CLTC: variants seen among roughly 807,000 people sequenced by gnomAD.
CLTC encodes clathrin heavy chain 1.
CLTC carries 16 observed loss-of-function variants against 195.8 expected under a neutral mutation model. That is an observed-to-expected ratio of 0.08 (90% CI 0.06 to 0.12). The LOEUF (loss-of-function observed/expected upper bound fraction) is 0.12. Among genes scored for constraint, CLTC ranks in the 10% least tolerant of loss-of-function variants. The pLI, the probability that CLTC is intolerant of heterozygous loss-of-function variation, is 1.00. For synonymous variants in CLTC, 667 were observed against 689.4 expected, an observed-to-expected ratio of 0.97 and a Z score of 0.51; for missense variants, 796 against 2,027.0, an observed-to-expected ratio of 0.39 and a Z score of 11.66.
intron 1 of CLTC, among the ~76,000 whole-genome samples, chr17:59,638,335 CTT>C (rs1460713331): frequency 6.6e-6 from 1 of 151,660 alleles, no homozygotes; most frequent in African/African-American, 2.4e-5. Context: ...GACCCTGTCT[CTT>C]AAAAAAAAAC....
rs757885268 is a variant in CLTC at position 59,666,233 on chromosome 17, C to T, written c.1775C>T (p.Ala592Val). The part of the protein sequence containing the change: ...TRLLEMNLMH[A>V]PQVADAILGN... ...TTACTTGAGATGAACCTTATGCATG[C>T]GCCTCAAGTATGTGTTTTAATGCTT... Residue 592 changes from alanine to valine, a missense_variant, in exon 11 of 32, where the codon GCG (alanine) becomes GTG (valine). Ala to Val is a moderately conservative substitution (Grantham distance 64, BLOSUM62 0). Coordinates refer to ENST00000269122, the MANE Select transcript of CLTC (RefSeq NM_004859.4). This position sits in a 1 kb window ranked among gnomAD's most constrained non-coding sequence, Gnocchi z 4.9. 1 of 1,613,664 alleles carries T rather than the reference C, an allele frequency of 6.2e-7. No homozygotes were observed. Among genetic ancestry groups the T allele is most frequent in the Non-Finnish European group, 8.5e-7 (1 of 1,179,710 alleles).
At chr17:59,675,893 T>C in intron 16 of CLTC, among the ~76,000 whole-genome samples, 1 of 152,252 alleles carries the variant, frequency 6.6e-6, no homozygotes. Flanking sequence ...GTATCTTGGA[T>C]TGCACATGTT....
At chr17:59,652,659 G>T (rs1027875926) in intron 5 of CLTC, among the ~76,000 whole-genome samples, 1 of 152,126 alleles carries the variant, frequency 6.6e-6, no homozygotes, top group Non-Finnish European at 1.5e-5. Context: ...GGCATAAAAA[G>T]ATTTAGTAAA....
chr17:59,686,799 A>G (rs1273658616), intron 30 of CLTC, among the ~76,000 whole-genome samples: 2 of 152,198 alleles, frequency 1.3e-5, no homozygotes, highest in African/African-American at 4.8e-5. Context: ...TTCATACTGT[A>G]GCATAAATTC....
chr17:59,679,244 A>G, intron 17 of CLTC, 153 bp from the exon 18 acceptor site: 1 of 543,476 alleles, frequency 1.8e-6, no homozygotes, highest in Non-Finnish European at 3.2e-6. Context: ...TTAAAACAGT[A>G]TATTACTGGT....
Position 59,620,837 on chromosome 17 carries a change from AGAGTGTGTGCGGT to A in CLTC, c.42+665_42+677del, listed in dbSNP as rs753172416. 1.9e-3 allele frequency among the ~76,000 whole-genome samples: 283 copies of A among 152,076 alleles called. 3 individuals carry two copies. The highest frequency in any genetic ancestry group is 4.1e-4 in the Non-Finnish European group (28 of 67,996). ...CATTTCTTAGAGCTATGTCAATCTC[AGAGTGTGTGCGGT>A]CAAACTCCCTAAGGAAACTCGCCTC... On this transcript the variant is annotated intron_variant, in intron 1 of 31. Coordinates refer to ENST00000269122, the MANE Select transcript of CLTC (RefSeq NM_004859.4).
At chr17:59,625,417 G>A (rs374901985) in intron 1 of CLTC, among the ~76,000 whole-genome samples, 4 of 152,238 alleles carry the variant, frequency 2.6e-5, no homozygotes, top group African/African-American at 9.6e-5. Context: ...GAGCCACCGT[G>A]CCCGGCTATG....
chr17:59,676,745 C>T (rs1162874184), intron 16 of CLTC, among the ~76,000 whole-genome samples: 1 of 152,118 alleles, frequency 6.6e-6, no homozygotes, highest in Non-Finnish European at 1.5e-5. Flanking sequence ...GTACTAGGAT[C>T]ACTTGAGCCC....
intron 31 of CLTC, 34 bp downstream of exon 31, chr17:59,690,745 A>G: frequency 6.7e-7 from 1 of 1,489,486 alleles, no homozygotes; most frequent in African/African-American, 1.4e-5. Context: ...AAAATTCATT[A>G]GACAAATATT....
Position 59,682,643 on chromosome 17 carries a change from T to C in CLTC, c.3615T>C (p.Cys1205=), listed in dbSNP as rs764946570. The C allele has an allele frequency of 6.2e-7, 1 of 1,614,030 alleles. No individual in the cohort carries two copies. The highest frequency in any genetic ancestry group is 8.5e-7 in the Non-Finnish European group (1 of 1,179,922). ...TTTTTTTCCAGGTTGGTGACCGTTG[T>C]TATGATGAAAAAATGTATGATGCTG... The part of the protein sequence containing the change: ...NAHIQQVGDR[C]YDEKMYDAAK... The change falls in exon 23 of 32, where the codon TGT becomes TGC. Residue 1205 remains cysteine, a synonymous_variant. Transcript: ENST00000269122. The surrounding 1 kb of genome is among the most constrained non-coding windows in gnomAD (Gnocchi z 6.8).
At chr17:59,633,033 A>G (rs570803548) in intron 1 of CLTC, among the ~76,000 whole-genome samples, 1 of 30,968 alleles carries the variant, frequency 3.2e-5, no homozygotes, top group African/African-American at 5.0e-5. Flanking sequence ...GGTGGTTGTC[A>G]TTTTAATCAT....
chr17:59,648,580 G>A lies in CLTC; in HGVS notation c.681+179G>A. The A allele has an allele frequency of 1.7e-6, 1 of 575,692 alleles. No individual in the cohort carries two copies. Among genetic ancestry groups the A allele is most frequent in the Non-Finnish European group, 3.0e-6 (1 of 328,396 alleles). The allele number at this position is 575,692 out of a possible 1,614,324, so 35.7% of individuals were successfully genotyped here. A position where few individuals can be genotyped will look rare whatever the true frequency, so the allele number is the denominator to read the frequency against. ...GTGATACTTGTCTAAAATGAATAAT[G>A]TTCTTTCACAACTCGTTCTGTTGGC... On this transcript the variant is annotated intron_variant, in intron 4 of 31. Transcript: ENST00000269122. This position sits in a 1 kb window ranked among gnomAD's most constrained non-coding sequence, Gnocchi z 4.5.
At chr17:59,657,904 A>T (rs1205215043) in intron 6 of CLTC, among the ~76,000 whole-genome samples, 4 of 151,738 alleles carry the variant, frequency 2.6e-5, no homozygotes. Context: ...AAAAAAATAA[A>T]AAAAAAGACA....
At chr17:59,676,570 G>A (rs1266804946) in intron 16 of CLTC, among the ~76,000 whole-genome samples, 1 of 152,196 alleles carries the variant, frequency 6.6e-6, no homozygotes, top group East Asian at 1.9e-4. Flanking sequence ...ATAAACCTGG[G>A]AGAGTGAAAA....
At chr17:59,688,054 T>A (rs1195300740) in intron 30 of CLTC, among the ~76,000 whole-genome samples, 1 of 152,186 alleles carries the variant, frequency 6.6e-6, no homozygotes, top group Non-Finnish European at 1.5e-5. Flanking sequence ...GCATTGTGTG[T>A]GAGACCCTTC....
intron 14 of CLTC, among the ~76,000 whole-genome samples, chr17:59,671,515 A>G (rs1202382569): frequency 6.6e-6 from 1 of 152,206 alleles, no homozygotes; most frequent in Non-Finnish European, 1.5e-5. Context: ...TTGGTAGAAC[A>G]TAACTTCTCC....
At chr17:59,692,159 G>C (rs775210129) in intron 31 of CLTC, among the ~76,000 whole-genome samples, 5 of 151,964 alleles carry the variant, frequency 3.3e-5, no homozygotes, top group African/African-American at 4.8e-5. Flanking sequence ...TCTACTAAAA[G>C]TACAAAAATT....
At position 59,681,071 on chromosome 17, in the gene CLTC, G is replaced by A; in HGVS notation, c.3065+14G>A. On this transcript the variant is annotated intron_variant, in intron 19 of 31. Coordinates refer to ENST00000269122, the MANE Select transcript of CLTC (RefSeq NM_004859.4). This position sits in a 1 kb window ranked among gnomAD's most constrained non-coding sequence, Gnocchi z 5.0. ...CAGTGAACACAGGTATGCTTTCAGA[G>A]GGATCCATTGGCTATTTATAGTCAG... is the stretch of plus-strand genomic sequence containing the variant. The A allele has an allele frequency of 6.2e-7, 1 of 1,611,702 alleles. No homozygotes were observed.
intron 9 of CLTC, among the ~76,000 whole-genome samples, chr17:59,664,359 C>CT (rs1361476367): frequency 6.6e-6 from 1 of 152,022 alleles, no homozygotes; most frequent in Non-Finnish European, 1.5e-5. Flanking sequence ...TGAGACCAGC[C>CT]TGGGTAACAT....
Sources: allele counts gnomAD v4.1 joint callset (sites outside exome capture counted in the v4.1 genomes callset), GRCh38; gene constraint gnomAD v4.1.1; non-coding constraint Gnocchi (gnomAD v3.1); transcripts MANE v1.5; gene names NCBI Gene and HGNC (gene_info 2026-07-23, HGNC 2026-07-21).